The following C14orf39 variants were observed in gnomAD, a reference collection of about 807,000 sequenced individuals.
The protein encoded by C14orf39 is chromosome 14 open reading frame 39, also known as protein SIX6OS1.
C14orf39 carries 66 observed loss-of-function variants against 85.6 expected under a neutral mutation model. The observed-to-expected ratio is 0.77, with a 90% CI of 0.63 to 0.95. The LOEUF is 0.95. Ranked by LOEUF, C14orf39 falls within the 40% of genes least tolerant of loss-of-function variation. The pLI is 0.00. For synonymous variants in C14orf39, 242 were observed against 214.0 expected, an observed-to-expected ratio of 1.13 and a Z score of -1.14; for missense variants, 735 against 663.9, an observed-to-expected ratio of 1.11 and a Z score of -1.18.
Position 60,446,182 on chromosome 14 carries a change from A to G in C14orf39, c.1504-4051T>C, listed in dbSNP as rs530826443. On this transcript the variant is annotated intron_variant, in intron 16 of 17. Coordinates refer to ENST00000321731, the MANE Select transcript of C14orf39 (RefSeq NM_174978.3). Reference sequence around the variant, plus strand: ...AGGAGCAAGAGCAAAGAAATTCAAAAGCTAGCAGAAGGCAAGAAATAACTA... The same window carrying G: ...AGGAGCAAGAGCAAAGAAATTCAAAGGCTAGCAGAAGGCAAGAAATAACTA... Among the ~76,000 whole-genome samples, 199 of 152,332 alleles carry G rather than the reference A, an allele frequency of 1.3e-3. 2 individuals are homozygous for G. The highest frequency in any genetic ancestry group is 4.7e-3 in the African/African-American group (194 of 41,564).
intron 5 of C14orf39, among the ~76,000 whole-genome samples, chr14:60,472,655 G>C (rs1450217661): frequency 6.6e-6 from 1 of 152,074 alleles, no homozygotes; most frequent in Non-Finnish European, 1.5e-5. Flanking sequence ...TGCAGTGTTT[G>C]CTTTTTTGTC....
Position 60,491,169 on chromosome 14 carries a change from T to C in C14orf39, c.-8-6083A>G. Among the ~76,000 whole-genome samples, 1 of 152,190 alleles carries C rather than the reference T, an allele frequency of 6.6e-6. No individual in the cohort carries two copies. The highest frequency in any genetic ancestry group is 1.5e-5 in the Non-Finnish European group (1 of 68,036). ...AAAACACCACTACCTAGATAATTCA[T>C]AAATAATAGAAATTTATTTCTCACA... On this transcript the variant is annotated intron_variant, in intron 2 of 5. Coordinates refer to the C14orf39 transcript ENST00000556799. The surrounding 1 kb of genome is among the most constrained non-coding windows in gnomAD (Gnocchi z 4.5).
chr14:60,453,779 TA>T (rs1566660703), intron 16 of C14orf39, among the ~76,000 whole-genome samples: 1 of 151,840 alleles, frequency 6.6e-6, no homozygotes, highest in African/African-American at 2.4e-5. Context: ...CCCACCACCA[TA>T]AAAACAAAAC....
intron 16 of C14orf39, among the ~76,000 whole-genome samples, chr14:60,443,760 A>G (rs1329323573): frequency 6.6e-6 from 1 of 152,208 alleles, no homozygotes; most frequent in African/African-American, 2.4e-5. Context: ...ACTGGGAGAC[A>G]TCTCCCAGTA....
At chr14:60,500,058 G>A (rs1052751129) in intron 1 of C14orf39, among the ~76,000 whole-genome samples, 12 of 151,922 alleles carry the variant, frequency 7.9e-5, no homozygotes, top group South Asian at 4.2e-4. Context: ...ATTGAGTTTC[G>A]CTCTTGTTGC....
chr14:60,469,348 TAAA>T (rs1891956041), intron 8 of C14orf39, among the ~76,000 whole-genome samples, 182 bp downstream of exon 8: 1 of 148,004 alleles, frequency 6.8e-6, no homozygotes. Context: ...ATAAAATTAA[TAAA>T]AAATATAAAT....
intron 13 of C14orf39, among the ~76,000 whole-genome samples, chr14:60,459,658 T>C (rs554263702): frequency 6.7e-6 from 1 of 149,824 alleles, no homozygotes; most frequent in African/African-American, 2.5e-5. Context: ...ATTGTCAGAC[T>C]TTTTTAATTT....
In C14orf39 at chr14:60,437,037, A is replaced by G; in HGVS notation, c.1572T>C (p.Leu524=). Reference sequence around the variant, plus strand: ...AGCCATCTTCTCCTTCTGGCTTCTCAAGTAAGTTTCCTAAGGAAGATAAAC... The same window carrying G: ...AGCCATCTTCTCCTTCTGGCTTCTCGAGTAAGTTTCCTAAGGAAGATAAAC... ...LSSEQEIGNL[L]EKPEGEDGFT... is the part of the protein sequence containing the mutation. The change falls in exon 18 of 18, where the codon CTT becomes CTC. Residue 524 remains leucine, a synonymous_variant. Coordinates refer to ENST00000321731, the MANE Select transcript of C14orf39 (RefSeq NM_174978.3). 6.2e-7 allele frequency: 1 copy of G among 1,602,858 alleles called. No individual in the cohort carries two copies.
chr14:60,453,472 T>C (rs1197196648), intron 16 of C14orf39, among the ~76,000 whole-genome samples: 2 of 151,818 alleles, frequency 1.3e-5, no homozygotes, highest in African/African-American at 2.4e-5. Flanking sequence ...AGATAGCTTA[T>C]ATTTGGGTCT....
rs149469024 is a variant in C14orf39 at position 60,504,043 on chromosome 14, G to C, written c.-143-4613C>G. ...TCATAAGATGTTTAGCAGCATCTCT[G>C]GCCTGCACCCACTAGATGCCAACTG... On this transcript the variant is annotated intron_variant, in intron 1 of 5. Coordinates refer to the C14orf39 transcript ENST00000556799. Among the ~76,000 whole-genome samples, 390 of 152,224 alleles carry C rather than the reference G, an allele frequency of 2.6e-3. 1 individual carries two copies. The highest frequency in any genetic ancestry group is 8.6e-3 in the African/African-American group (356 of 41,524).
At chr14:60,456,044 T>G (rs1261168505) in intron 15 of C14orf39, among the ~76,000 whole-genome samples, 1 of 152,098 alleles carries the variant, frequency 6.6e-6, no homozygotes, top group East Asian at 1.9e-4. Flanking sequence ...GTGCTGTGCT[T>G]GAGTCAACAG....
At chr14:60,450,402 G>A (rs974104370) in intron 16 of C14orf39, among the ~76,000 whole-genome samples, 6 of 152,168 alleles carry the variant, frequency 3.9e-5, no homozygotes, top group African/African-American at 7.2e-5. Flanking sequence ...GCTGATGGTC[G>A]TGGGGGCCAC....
intron 13 of C14orf39, 126 bp from the exon 14 acceptor site, chr14:60,458,865 G>T: frequency 3.1e-6 from 2 of 644,152 alleles, no homozygotes; most frequent in Non-Finnish European, 5.3e-6. Context: ...ACTTCATATG[G>T]TTCAACATAA....
At chr14:60,437,120 C>T (rs1327266159) in intron 17 of C14orf39, 73 bp from the exon 18 acceptor site, 6 of 908,046 alleles carry the variant, frequency 6.6e-6, no homozygotes, top group Non-Finnish European at 1.0e-5. Context: ...TGAATTATAG[C>T]ATACTGCATA....
chr14:60,511,035 G>A, intron 1 of C14orf39: 1 of 1,590,140 alleles, frequency 6.3e-7, no homozygotes, highest in Non-Finnish European at 8.6e-7. Context: ...GGCGGGCGAC[G>A]GGCGGCTGTG....
chr14:60,438,809 A>G (rs754538366), intron 17 of C14orf39, among the ~76,000 whole-genome samples: 2 of 152,178 alleles, frequency 1.3e-5, no homozygotes, highest in Non-Finnish European at 2.9e-5. Context: ...AGTAAAAAGC[A>G]GGTAAGAAAG....
At chr14:60,485,497 G>A (rs1013184535) in intron 1 of C14orf39, among the ~76,000 whole-genome samples, 1 of 152,200 alleles carries the variant, frequency 6.6e-6, no homozygotes, top group Non-Finnish European at 1.5e-5. Flanking sequence ...AAATTCTAAC[G>A]AAAGCCCTTC....
chr14:60,453,860 G>A (rs1359821862), intron 16 of C14orf39, among the ~76,000 whole-genome samples: 4 of 151,654 alleles, frequency 2.6e-5, no homozygotes, highest in Non-Finnish European at 5.9e-5. Flanking sequence ...AAATTATATT[G>A]GGAAGAAATT....
At chr14:60,479,304 T>C (rs760787150) in intron 4 of C14orf39, among the ~76,000 whole-genome samples, 9 of 152,132 alleles carry the variant, frequency 5.9e-5, no homozygotes, top group Non-Finnish European at 1.2e-4. Context: ...CAAAATGAAA[T>C]TAGAAGATCA....
Sources: allele counts gnomAD v4.1 joint callset (sites outside exome capture counted in the v4.1 genomes callset), GRCh38; gene constraint gnomAD v4.1.1; non-coding constraint Gnocchi (gnomAD v3.1); transcripts MANE v1.5; gene names NCBI Gene and HGNC (gene_info 2026-07-23, HGNC 2026-07-21).